LHFPL3: variants seen among roughly 807,000 people sequenced by gnomAD.
The protein encoded by LHFPL3 is LHFPL tetraspan subfamily member 3 protein.
LHFPL3 carries 5 observed loss-of-function variants against 19.3 expected under a neutral mutation model. The observed-to-expected ratio is 0.26, with a 90% CI of 0.14 to 0.54. LHFPL3 has a LOEUF of 0.54. LHFPL3 is among the 20% of genes least tolerant of loss of function. LHFPL3 has a pLI of 0.94. For synonymous variants in LHFPL3, 133 were observed against 126.2 expected, an observed-to-expected ratio of 1.05 and a Z score of -0.36; for missense variants, 249 against 307.4, an observed-to-expected ratio of 0.81 and a Z score of 1.42.
intron 1 of LHFPL3, among the ~76,000 whole-genome samples, chr7:104,685,931 C>G (rs1418425397): frequency 1.3e-5 from 2 of 152,186 alleles, no homozygotes; most frequent in Non-Finnish European, 1.5e-5. Context: ...AAGGAGCCTA[C>G]CATTCAGATA....
intron 1 of LHFPL3, among the ~76,000 whole-genome samples, chr7:104,729,325 A>G (rs1270915561): frequency 1.3e-5 from 2 of 152,218 alleles, no homozygotes; most frequent in East Asian, 3.8e-4. Flanking sequence ...ACAGAATAGT[A>G]TATCCATCAC....
At chr7:104,887,690 G>A (rs758488951) in intron 2 of LHFPL3, among the ~76,000 whole-genome samples, 1 of 152,232 alleles carries the variant, frequency 6.6e-6, no homozygotes, top group Admixed American at 6.5e-5. Flanking sequence ...GGGGAAAGTG[G>A]CAGAGAAACG....
chr7:104,817,180 A>G (rs762960649), intron 2 of LHFPL3, among the ~76,000 whole-genome samples: 5 of 152,216 alleles, frequency 3.3e-5, no homozygotes, highest in Non-Finnish European at 5.9e-5. Context: ...CTACGTTGCC[A>G]GTCTTCGTTA....
rs1791705585 is a variant in LHFPL3 at position 104,634,950 on chromosome 7, G to A, written c.446-101725G>A. Among the ~76,000 whole-genome samples the A allele has an allele frequency of 2.0e-5, 3 of 152,054 alleles. No individual in the cohort carries two copies. In the South Asian group the frequency reaches 6.2e-4, roughly 32 times the overall value. On this transcript the variant is annotated intron_variant, in intron 1 of 2. Transcript: ENST00000424859. ...AGGAAAACAGAGCTCAGGGGAAACA[G>A]AATTAGACACAGAACAGAATCAAAT...
chr7:104,844,947 T>G (rs1313349078), intron 2 of LHFPL3, among the ~76,000 whole-genome samples: 1 of 152,076 alleles, frequency 6.6e-6, no homozygotes, highest in Non-Finnish European at 1.5e-5. Context: ...GCCATGTTGG[T>G]CAGGCTAATC....
intron 1 of LHFPL3, among the ~76,000 whole-genome samples, chr7:104,510,142 TAG>T (rs1489686727): frequency 6.6e-6 from 1 of 152,086 alleles, no homozygotes; most frequent in Non-Finnish European, 1.5e-5. Context: ...CTCACTATAG[TAG>T]AGTTATTCTT....
chr7:104,392,363 A>G (rs1202680541), intron 1 of LHFPL3, among the ~76,000 whole-genome samples: 3 of 151,906 alleles, frequency 2.0e-5, no homozygotes, highest in African/African-American at 7.3e-5. Flanking sequence ...ATGTCCCATC[A>G]ATACCTAATT....
intron 1 of LHFPL3, among the ~76,000 whole-genome samples, chr7:104,467,922 C>T (rs1178337411): frequency 6.6e-6 from 1 of 152,152 alleles, no homozygotes. Context: ...AATTTCCTTA[C>T]TGTTCATTGT....
At chr7:104,608,379 A>G (rs553004085) in intron 1 of LHFPL3, among the ~76,000 whole-genome samples, 1 of 151,682 alleles carries the variant, frequency 6.6e-6, no homozygotes, top group Non-Finnish European at 1.5e-5. Context: ...CATCATTCTC[A>G]GCAAACCATC....
chr7:104,896,327 C>A (rs1006327292), intron 2 of LHFPL3, among the ~76,000 whole-genome samples: 11 of 152,188 alleles, frequency 7.2e-5, no homozygotes, highest in African/African-American at 2.7e-4. Flanking sequence ...CCGTTGTCTG[C>A]AGCCATACCC....
chr7:104,491,152 G>C (rs1793339266), intron 1 of LHFPL3, among the ~76,000 whole-genome samples: 1 of 151,636 alleles, frequency 6.6e-6, no homozygotes, highest in Non-Finnish European at 1.5e-5. Flanking sequence ...GATTAGACCA[G>C]AGGCTGTAAC....
chr7:104,660,004 G>GTTTT lies in LHFPL3; in HGVS notation c.446-76659_446-76656dup, dbSNP rs35499793. On this transcript the variant is annotated intron_variant, in intron 1 of 2. Transcript: ENST00000424859. ...GCCCTCCAGTTTGCCACAGCAACTC[G>GTTTT]TTTTTTTTTTTTTTTGAGACGGAGT... Among the ~76,000 whole-genome samples the GTTTT allele has an allele frequency of 1.8e-3, 249 of 140,484 alleles. 1 individual carries two copies. The highest frequency in any genetic ancestry group is 3.6e-3 in the Middle Eastern group (1 of 276). The allele number at this position is 140,484 out of a possible 152,430, so 92.2% of individuals were successfully genotyped here. A position where few individuals can be genotyped will look rare whatever the true frequency, so the allele number is the denominator to read the frequency against.
chr7:104,802,736 A>C (rs967910277), intron 2 of LHFPL3: 1 of 152,190 alleles, frequency 6.6e-6, no homozygotes, highest in Non-Finnish European at 1.5e-5. Context: ...CCCATCTAAC[A>C]GTAGACCAGC....
At chr7:104,706,421 A>C (rs944243449) in intron 1 of LHFPL3, among the ~76,000 whole-genome samples, 3 of 152,210 alleles carry the variant, frequency 2.0e-5, no homozygotes, top group African/African-American at 4.8e-5. Flanking sequence ...GCACCTCTCT[A>C]TATTGTTGAA....
At chr7:104,630,362 T>G (rs2115844313) in intron 1 of LHFPL3, among the ~76,000 whole-genome samples, 1 of 152,060 alleles carries the variant, frequency 6.6e-6, no homozygotes, top group Non-Finnish European at 1.5e-5. Flanking sequence ...AACATGGAAT[T>G]AAGAGGTAAT....
intron 2 of LHFPL3, among the ~76,000 whole-genome samples, chr7:104,889,979 C>T (rs1424112087): frequency 6.6e-6 from 1 of 152,122 alleles, no homozygotes; most frequent in Non-Finnish European, 1.5e-5. Flanking sequence ...CTTTCCTTCT[C>T]TCCTCTTCTC....
At chr7:104,816,385 T>C (rs1790560921) in intron 2 of LHFPL3, among the ~76,000 whole-genome samples, 1 of 152,208 alleles carries the variant, frequency 6.6e-6, no homozygotes. Flanking sequence ...AGAACCACTA[T>C]GCTGGCTCCT....
chr7:104,587,417 G>C (rs905384324), intron 1 of LHFPL3, among the ~76,000 whole-genome samples: 19 of 152,292 alleles, frequency 1.2e-4, no homozygotes, highest in African/African-American at 4.6e-4. Context: ...ATGGTTTCCA[G>C]CTTCATCCAT....
chr7:104,406,773 G>C (rs1296806093), intron 1 of LHFPL3, among the ~76,000 whole-genome samples: 1 of 152,236 alleles, frequency 6.6e-6, no homozygotes, highest in Non-Finnish European at 1.5e-5. Context: ...ATCTCTTCTT[G>C]GGGCCAAAAG....
Sources: allele counts gnomAD v4.1 joint callset (sites outside exome capture counted in the v4.1 genomes callset), GRCh38; gene constraint gnomAD v4.1.1; transcripts MANE v1.5; gene names NCBI Gene and HGNC (gene_info 2026-07-23, HGNC 2026-07-21).